SCN2A: variants seen among roughly 807,000 people sequenced by gnomAD.
SCN2A encodes the protein sodium voltage-gated channel alpha subunit 2.
A neutral mutation model predicts 188.7 loss-of-function variants in SCN2A; 20 were observed. That is an observed-to-expected ratio of 0.11 (90% CI 0.07 to 0.15). SCN2A has a LOEUF of 0.15. SCN2A is among the 10% of genes least tolerant of loss of function. SCN2A has a pLI of 1.00. For synonymous variants in SCN2A, 804 were observed against 833.1 expected (o/e 0.97, Z 0.60); for missense variants, 1,278 against 2,445.0 (o/e 0.52, Z 10.07).
At chr2:165,258,114 G>C (rs1433719122) in intron 1 of SCN2A, among the ~76,000 whole-genome samples, 2 of 152,042 alleles carry the variant, frequency 1.3e-5, no homozygotes, top group Admixed American at 1.3e-4. Flanking sequence ...CCATTCTGTA[G>C]GTTGTCAGTT....
chr2:165,279,601 C>T (rs908125100), intron 1 of SCN2A, among the ~76,000 whole-genome samples: 28 of 151,624 alleles, frequency 1.8e-4, no homozygotes, highest in South Asian at 4.2e-4. Context: ...GGGAAACAAA[C>T]GGAAGAATGG....
chr2:165,284,234 G>A (rs1314812098), intron 1 of SCN2A, among the ~76,000 whole-genome samples: 2 of 151,954 alleles, frequency 1.3e-5, no homozygotes, highest in African/African-American at 4.8e-5. Context: ...GCAGTGGCGC[G>A]ATCTCGGCTC....
At chr2:165,253,362 T>C (rs10497258) in intron 1 of SCN2A, among the ~76,000 whole-genome samples, 20,039 of 152,116 alleles carry the variant, frequency 0.13, 1,938 homozygotes, top group Non-Finnish European at 0.2. Flanking sequence ...ACCTACCAGA[T>C]TGATTTGTGA....
chr2:165,376,355 TTAAAA>T (rs2105376035), intron 22 of SCN2A, among the ~76,000 whole-genome samples: 1 of 151,954 alleles, frequency 6.6e-6, no homozygotes, highest in Non-Finnish European at 1.5e-5. Flanking sequence ...TGAAAAGCAA[TTAAAA>T]TAAAAATGCA....
intron 5 of SCN2A, 109 bp from the exon 6 acceptor site, chr2:165,309,243 T>A: frequency 6.2e-7 from 1 of 1,613,608 alleles, no homozygotes; most frequent in Non-Finnish European, 8.5e-7. Flanking sequence ...TGAAAACTAT[T>A]TCTGTAATTC....
At chr2:165,331,712 A>G (rs1574611580) in intron 14 of SCN2A, 144 bp downstream of exon 14, 1 of 723,760 alleles carries the variant, frequency 1.4e-6, no homozygotes, top group Admixed American at 2.1e-5. Context: ...TTTAAATAAC[A>G]AAAAAATGTT....
chr2:165,294,056 A>C (rs908525550), intron 1 of SCN2A: 1 of 860,436 alleles, frequency 1.2e-6, no homozygotes, highest in African/African-American at 1.8e-5. Flanking sequence ...TTTTTTTTAA[A>C]GCATGATGGA....
At chr2:165,250,560 A>C (rs1230410757) in intron 1 of SCN2A, among the ~76,000 whole-genome samples, 2 of 151,542 alleles carry the variant, frequency 1.3e-5, no homozygotes, top group Non-Finnish European at 3.0e-5. Flanking sequence ...CTATTTCCAA[A>C]TCTTGTTCAC....
rs17244080 is a variant in SCN2A at position 165,313,457 on chromosome 2, A to G, written c.1035-163A>G. On this transcript the variant is annotated intron_variant, in intron 8 of 26. Coordinates refer to ENST00000375437, the MANE Select transcript of SCN2A (RefSeq NM_001040142.2). Reference sequence around the variant, plus strand: ...GACCTTATAGATTCTGTTATTATATAAATCAGTCCACTTAGTGCTGAGTTA... The same window carrying G: ...GACCTTATAGATTCTGTTATTATATGAATCAGTCCACTTAGTGCTGAGTTA... Among the ~76,000 whole-genome samples the G allele has an allele frequency of 0.031, 4,778 of 152,316 alleles. 92 individuals are homozygous for G. The highest frequency in any genetic ancestry group is 0.049 in the Non-Finnish European group (3,345 of 68,010).
At chr2:165,346,848 T>A (rs1053788738) in intron 16 of SCN2A, among the ~76,000 whole-genome samples, 1 of 152,176 alleles carries the variant, frequency 6.6e-6, no homozygotes, top group African/African-American at 2.4e-5. Context: ...TAAAAGCTCA[T>A]CATCACTGGT....
chr2:165,377,090 A>AGGG (rs1701354510), intron 22 of SCN2A, among the ~76,000 whole-genome samples: 1 of 152,070 alleles, frequency 6.6e-6, no homozygotes, highest in Admixed American at 6.6e-5. Context: ...TTCCTCTTAT[A>AGGG]GAGTAATCAC....
At chr2:165,379,159 G>C (rs1701467535) in intron 23 of SCN2A, among the ~76,000 whole-genome samples, 1 of 151,638 alleles carries the variant, frequency 6.6e-6, no homozygotes. Context: ...GTACAAAAAT[G>C]AATATAACTT....
intron 23 of SCN2A, among the ~76,000 whole-genome samples, chr2:165,379,467 G>A (rs1045347304): frequency 6.6e-6 from 1 of 151,716 alleles, no homozygotes; most frequent in South Asian, 2.1e-4. Context: ...CCTCCAGCAG[G>A]GATGATGGAG....
intron 1 of SCN2A, among the ~76,000 whole-genome samples, chr2:165,244,266 A>T (rs1050320184): frequency 1.3e-5 from 2 of 152,084 alleles, no homozygotes; most frequent in Admixed American, 6.6e-5. Context: ...AAATAAATAG[A>T]AAAGGAAAGG....
chr2:165,312,254 C>A (rs1283475120), intron 8 of SCN2A, among the ~76,000 whole-genome samples, 166 bp downstream of exon 8: 1 of 151,732 alleles, frequency 6.6e-6, no homozygotes, highest in Non-Finnish European at 1.5e-5. Flanking sequence ...ATTCTCACCT[C>A]TTTCACACAG....
intron 3 of SCN2A, among the ~76,000 whole-genome samples, chr2:165,303,493 T>C (rs1174228464): frequency 6.6e-6 from 1 of 152,064 alleles, no homozygotes; most frequent in Non-Finnish European, 1.5e-5. Flanking sequence ...GCCAGGGTGG[T>C]CTCGATCTCC....
intron 1 of SCN2A, among the ~76,000 whole-genome samples, chr2:165,279,135 C>G (rs750784965): frequency 6.6e-6 from 1 of 152,162 alleles, no homozygotes; most frequent in African/African-American, 2.4e-5. Context: ...AACTGGATTT[C>G]AATCCCAATA....
At chr2:165,361,291 T>C (rs1700448614) in intron 17 of SCN2A, among the ~76,000 whole-genome samples, 1 of 151,994 alleles carries the variant, frequency 6.6e-6, no homozygotes, top group Admixed American at 6.6e-5. Flanking sequence ...CAACTATGAA[T>C]ATAACTTGAA....
intron 3 of SCN2A, among the ~76,000 whole-genome samples, chr2:165,300,483 G>A (rs73023750): frequency 0.014 from 2,070 of 152,268 alleles, 41 homozygotes; most frequent in African/African-American, 0.047. Flanking sequence ...GTGACAAGGT[G>A]TTGTTTTAGA....
Sources: gnomAD v4.1 joint callset for allele counts (sites outside exome capture counted in the v4.1 genomes callset) on GRCh38, gnomAD v4.1.1 for gene constraint, MANE v1.5 for transcripts, NCBI Gene and HGNC (gene_info 2026-07-23, HGNC 2026-07-21) for gene names.